The following CACNA2D3 variants were observed in gnomAD, a reference collection of about 807,000 sequenced individuals.
The protein encoded by CACNA2D3 is voltage-dependent calcium channel subunit alpha-2/delta-3.
A neutral mutation model predicts 160.6 loss-of-function variants in CACNA2D3; 60 were observed. That is an observed-to-expected ratio of 0.37 (90% CI 0.30 to 0.46). The LOEUF is 0.46. Ranked by LOEUF, CACNA2D3 falls within the 20% of genes least tolerant of loss-of-function variation. CACNA2D3 has a pLI of 1.00. For synonymous variants in CACNA2D3, 558 were observed against 492.9 expected, an observed-to-expected ratio of 1.13 and a Z score of -1.75; for missense variants, 1,205 against 1,365.0, an observed-to-expected ratio of 0.88 and a Z score of 1.85.
At chr3:54,963,015 A>G (rs149340364) in intron 27 of CACNA2D3, among the ~76,000 whole-genome samples, 13 of 152,322 alleles carry the variant, frequency 8.5e-5, no homozygotes, top group African/African-American at 2.2e-4. Flanking sequence ...ATGCATGTCT[A>G]TTAACATGAT....
At chr3:54,372,731 A>G (rs558519460) in intron 3 of CACNA2D3, among the ~76,000 whole-genome samples, 1 of 152,352 alleles carries the variant, frequency 6.6e-6, no homozygotes, top group Admixed American at 6.5e-5. Flanking sequence ...CAAGTGTATG[A>G]ATAACGTTCC....
chr3:54,649,337 T>C (rs1277734105), intron 11 of CACNA2D3, among the ~76,000 whole-genome samples: 1 of 152,162 alleles, frequency 6.6e-6, no homozygotes, highest in Non-Finnish European at 1.5e-5. Context: ...GGTGGTGACA[T>C]GGACACAGGA....
At chr3:54,996,805 A>T (rs962241216) in intron 31 of CACNA2D3, among the ~76,000 whole-genome samples, 4 of 152,168 alleles carry the variant, frequency 2.6e-5, no homozygotes, top group Non-Finnish European at 5.9e-5. Context: ...AGATAAAGAA[A>T]ATGTGGCACA....
At chr3:54,876,527 A>G (rs750696180) in intron 18 of CACNA2D3, among the ~76,000 whole-genome samples, 2 of 152,226 alleles carry the variant, frequency 1.3e-5, no homozygotes, top group African/African-American at 4.8e-5. Context: ...TTGTTAAAAC[A>G]TTTTATTTGA....
intron 35 of CACNA2D3, among the ~76,000 whole-genome samples, chr3:55,043,504 T>C (rs1398106681): frequency 6.6e-6 from 1 of 151,888 alleles, no homozygotes; most frequent in Non-Finnish European, 1.5e-5. Context: ...AAAGGTACTT[T>C]GTTTTCTTTT....
intron 9 of CACNA2D3, among the ~76,000 whole-genome samples, chr3:54,608,229 G>T (rs1003434218): frequency 6.6e-6 from 1 of 152,190 alleles, no homozygotes; most frequent in Non-Finnish European, 1.5e-5. Flanking sequence ...TCCTGGGTTT[G>T]AATATTATAC....
chr3:54,215,925 G>A (rs1701453745), intron 2 of CACNA2D3, among the ~76,000 whole-genome samples: 1 of 151,468 alleles, frequency 6.6e-6, no homozygotes, highest in South Asian at 2.1e-4. Flanking sequence ...TTCTCTTATG[G>A]AACGATCGTG....
chr3:54,543,142 A>G (rs994272261), intron 5 of CACNA2D3, among the ~76,000 whole-genome samples: 2 of 152,204 alleles, frequency 1.3e-5, no homozygotes, highest in Admixed American at 6.5e-5. Flanking sequence ...ACTCATGAAA[A>G]CAGACCCTTT....
chr3:54,402,557 G>T (rs1309628032), intron 4 of CACNA2D3, among the ~76,000 whole-genome samples: 1 of 152,152 alleles, frequency 6.6e-6, no homozygotes, highest in Non-Finnish European at 1.5e-5. Context: ...ACTATTTAAT[G>T]ATAAAGGGCT....
intron 17 of CACNA2D3, among the ~76,000 whole-genome samples, chr3:54,869,016 G>A (rs1221594066): frequency 1.3e-5 from 2 of 152,202 alleles, no homozygotes; most frequent in Admixed American, 1.3e-4. Context: ...AAGGAAGCTT[G>A]GAGTAGCTGG....
chr3:54,417,713 C>T (rs1699776117), intron 4 of CACNA2D3, among the ~76,000 whole-genome samples: 1 of 148,764 alleles, frequency 6.7e-6, no homozygotes, highest in Non-Finnish European at 1.5e-5. Flanking sequence ...GGATCATTCA[C>T]ACACAGATCC....
chr3:54,456,420 T>A (rs1700397038), intron 4 of CACNA2D3, among the ~76,000 whole-genome samples: 1 of 152,068 alleles, frequency 6.6e-6, no homozygotes, highest in Non-Finnish European at 1.5e-5. Context: ...TTTTGTATCC[T>A]GCAACTTTAC....
chr3:54,518,471 G>C (rs931326692), intron 5 of CACNA2D3, among the ~76,000 whole-genome samples: 4 of 152,224 alleles, frequency 2.6e-5, no homozygotes, highest in Non-Finnish European at 5.9e-5. Flanking sequence ...GGGTCACACA[G>C]AGTCCTGGCG....
intron 3 of CACNA2D3, chr3:54,385,968 GA>G: frequency 2.0e-6 from 1 of 506,482 alleles, no homozygotes; most frequent in Non-Finnish European, 3.9e-6. Flanking sequence ...TTCAAGGTGG[GA>G]AATATCTTAT....
intron 2 of CACNA2D3, among the ~76,000 whole-genome samples, chr3:54,204,139 C>T (rs918627397): frequency 6.6e-6 from 1 of 152,082 alleles, no homozygotes; most frequent in African/African-American, 2.4e-5. Context: ...ATTGGGTCCT[C>T]TGATTCTCGG....
chr3:54,615,960 A>T (rs1273496806), intron 9 of CACNA2D3, among the ~76,000 whole-genome samples: 2 of 152,326 alleles, frequency 1.3e-5, no homozygotes, highest in African/African-American at 2.4e-5. Context: ...TGTGCCCCTT[A>T]TGAGAATCTA....
chr3:54,420,552 C>T (rs111603074), intron 4 of CACNA2D3, among the ~76,000 whole-genome samples: 9 of 152,322 alleles, frequency 5.9e-5, no homozygotes, highest in African/African-American at 2.2e-4. Flanking sequence ...CTTCCAGTCT[C>T]AGGTTATTAT....
intron 27 of CACNA2D3, among the ~76,000 whole-genome samples, chr3:54,963,625 C>T (rs1188955365): frequency 6.6e-6 from 1 of 152,158 alleles, no homozygotes; most frequent in African/African-American, 2.4e-5. Context: ...TCAAGCATGC[C>T]GATCATTGGT....
At chr3:55,041,968 C>T (rs78539415) in intron 35 of CACNA2D3, among the ~76,000 whole-genome samples, 4,595 of 152,124 alleles carry the variant, frequency 0.03, 215 homozygotes, top group African/African-American at 0.1. Flanking sequence ...TTCTAGATAC[C>T]TTAATATGTT....
Sources: allele counts gnomAD v4.1 joint callset (sites outside exome capture counted in the v4.1 genomes callset), GRCh38; gene constraint gnomAD v4.1.1; transcripts MANE v1.5; gene names NCBI Gene and HGNC (gene_info 2026-07-23, HGNC 2026-07-21).